Variants in CDH12 observed in about 807,000 individuals in gnomAD.
CDH12 encodes cadherin 12, also known as cadherin-12.
Under a neutral mutation model 74.1 loss-of-function variants are expected in CDH12, and 41 were observed. The ratio of observed to expected loss-of-function variants is 0.55; its 90% confidence interval spans 0.43 to 0.72. The LOEUF is 0.72. CDH12 is among the 30% of genes least tolerant of loss of function. CDH12 has a pLI of 0.00. For synonymous variants in CDH12, 399 were observed against 355.0 expected (o/e 1.12, Z -1.39); for missense variants, 945 against 977.2 (o/e 0.97, Z 0.44).
intron 1 of CDH12, among the ~76,000 whole-genome samples, chr5:22,765,107 C>T (rs1268717248): frequency 6.6e-6 from 1 of 151,736 alleles, no homozygotes; most frequent in East Asian, 1.9e-4. Context: ...ATTATTTATT[C>T]CTGTGATTAA....
At chr5:22,766,875 T>G (rs2127064337) in intron 1 of CDH12, among the ~76,000 whole-genome samples, 1 of 152,202 alleles carries the variant, frequency 6.6e-6, no homozygotes, top group African/African-American at 2.4e-5. Context: ...CAATTTTATC[T>G]AAGGAACTTG....
chr5:21,960,032 A>C (rs71601521), intron 6 of CDH12, among the ~76,000 whole-genome samples: 192 of 150,334 alleles, frequency 1.3e-3, no homozygotes, highest in East Asian at 3.2e-3. Flanking sequence ...ACACAGGAAC[A>C]CCCAGATTCA....
intron 3 of CDH12, among the ~76,000 whole-genome samples, chr5:22,334,175 A>C (rs925424105): frequency 2.0e-5 from 3 of 152,190 alleles, no homozygotes. Flanking sequence ...ATTGGAAAGG[A>C]AGAAGTCAAA....
chr5:22,379,893 A>G (rs906163457), intron 3 of CDH12, among the ~76,000 whole-genome samples: 1 of 152,154 alleles, frequency 6.6e-6, no homozygotes, highest in Non-Finnish European at 1.5e-5. Context: ...AATTAGAATT[A>G]CTGGCATGCT....
chr5:22,140,928 C>A (rs1746755546), intron 4 of CDH12, among the ~76,000 whole-genome samples: 3 of 152,192 alleles, frequency 2.0e-5, no homozygotes, highest in African/African-American at 7.2e-5. Flanking sequence ...GAGCCAACTC[C>A]TGCTCACTGT....
chr5:21,773,916 C>T (rs1460783926), intron 11 of CDH12, among the ~76,000 whole-genome samples: 3 of 151,942 alleles, frequency 2.0e-5, no homozygotes, highest in Non-Finnish European at 4.4e-5. Flanking sequence ...GATTAGTGTG[C>T]TTCTGGTTGT....
chr5:21,973,047 T>C (rs1426045474), intron 6 of CDH12, among the ~76,000 whole-genome samples: 1 of 103,632 alleles, frequency 9.6e-6, no homozygotes, highest in Non-Finnish European at 2.1e-5. Context: ...CTACAAAAAG[T>C]AAAAAAAAAA....
chr5:22,712,547 T>G (rs1353657161), intron 1 of CDH12, among the ~76,000 whole-genome samples: 1 of 152,126 alleles, frequency 6.6e-6, no homozygotes, highest in Non-Finnish European at 1.5e-5. Flanking sequence ...CAGCTCTCAT[T>G]TCCTCATTAC....
chr5:21,838,930 A>T (rs1749688968), intron 8 of CDH12, among the ~76,000 whole-genome samples: 1 of 152,170 alleles, frequency 6.6e-6, no homozygotes, highest in Admixed American at 6.5e-5. Context: ...TGTATCCCTG[A>T]TATAGGAATC....
rs1222231611 is a variant in CDH12, at chr5:21,951,664, C to T, written c.526+23427G>A. Among the ~76,000 whole-genome samples the T allele has an allele frequency of 5.3e-5, 8 of 152,184 alleles. No individual in the cohort carries two copies. In the East Asian group the frequency reaches 1.5e-3, roughly 29 times the overall value. The stretch of plus-strand genomic sequence containing the variant: ...TTAAAATATATTCATATGCAAAATG[C>T]AAGTAAATAAAAACAGCAGCTTTCT... On this transcript the variant is annotated intron_variant, in intron 6 of 14. Coordinates refer to ENST00000382254, the MANE Select transcript of CDH12 (RefSeq NM_004061.5).
At chr5:22,426,144 A>G (rs982553311) in intron 2 of CDH12, among the ~76,000 whole-genome samples, 15 of 149,960 alleles carry the variant, frequency 1.0e-4, no homozygotes, top group South Asian at 8.5e-4. Flanking sequence ...CCGAGATCGC[A>G]CCACTGCACT....
chr5:22,169,607 C>G (rs575751947), intron 4 of CDH12, among the ~76,000 whole-genome samples: 2 of 152,016 alleles, frequency 1.3e-5, no homozygotes, highest in South Asian at 4.1e-4. Context: ...TATAATTACA[C>G]CCATGATAGA....
At chr5:22,401,975 G>A (rs1463615412) in intron 3 of CDH12, among the ~76,000 whole-genome samples, 1 of 152,194 alleles carries the variant, frequency 6.6e-6, no homozygotes, top group Non-Finnish European at 1.5e-5. Flanking sequence ...AGCCTCCAAA[G>A]GGAACCAGTC....
At chr5:21,968,171 C>T (rs1370537888) in intron 6 of CDH12, among the ~76,000 whole-genome samples, 1 of 152,220 alleles carries the variant, frequency 6.6e-6, no homozygotes, top group African/African-American at 2.4e-5. Context: ...ACCATTTAGA[C>T]TTTCTCTGGC....
chr5:22,747,853 AATGGATAG>A (rs1286576856), intron 1 of CDH12, among the ~76,000 whole-genome samples: 1 of 152,160 alleles, frequency 6.6e-6, no homozygotes, highest in African/African-American at 2.4e-5. Context: ...TTCAGGAATA[AATGGATAG>A]ATAGCTATAG....
intron 3 of CDH12, among the ~76,000 whole-genome samples, chr5:22,379,774 G>A (rs1741682533): frequency 6.6e-6 from 1 of 152,022 alleles, no homozygotes; most frequent in African/African-American, 2.4e-5. Context: ...TTATTTATTT[G>A]AGATTGAGTC....
At chr5:22,639,221 A>C (rs1739009587) in intron 1 of CDH12, among the ~76,000 whole-genome samples, 1 of 152,032 alleles carries the variant, frequency 6.6e-6, no homozygotes, top group Non-Finnish European at 1.5e-5. Flanking sequence ...GCTGTGAAGT[A>C]GTGTCGTGTG....
Position 22,327,921 on chromosome 5 carries a change from A to T in CDH12, c.-333+77336T>A, listed in dbSNP as rs577937185. Among the ~76,000 whole-genome samples the T allele has an allele frequency of 3.9e-5, 6 of 152,374 alleles. No homozygotes were observed. In the East Asian group the frequency reaches 1.2e-3, roughly 29 times the overall value. ...ATGCTTATGTAATAAATGTAAATGT[A>T]TCATAGTAGTTTATTATGTTAGCTG... is the stretch of plus-strand genomic sequence containing the variant. On this transcript the variant is annotated intron_variant, in intron 3 of 14. Transcript: ENST00000382254.
At chr5:22,493,576 A>G (rs1163080343) in intron 2 of CDH12, among the ~76,000 whole-genome samples, 1 of 18,924 alleles carries the variant, frequency 5.3e-5, no homozygotes, top group East Asian at 6.7e-4. Context: ...TTTTTTGAAA[A>G]ATTTTTTTTT....
Sources: gnomAD v4.1 joint callset for allele counts (sites outside exome capture counted in the v4.1 genomes callset) on GRCh38, gnomAD v4.1.1 for gene constraint, MANE v1.5 for transcripts, NCBI Gene and HGNC (gene_info 2026-07-23, HGNC 2026-07-21) for gene names.